Variants in SLC5A11 observed in about 807,000 individuals in gnomAD.
SLC5A11 encodes sodium/myo-inositol cotransporter 2.
SLC5A11 carries 48 observed loss-of-function variants against 69.8 expected under a neutral mutation model. That is an observed-to-expected ratio of 0.69 (90% confidence interval 0.55 to 0.87). The LOEUF (loss-of-function observed/expected upper bound fraction) is 0.87. SLC5A11 is among the 40% of genes least tolerant of loss of function. The pLI is 0.00. For missense variants in SLC5A11, 784 were observed against 866.1 expected, an observed-to-expected ratio of 0.91 and a Z score of 1.19; for synonymous variants, 319 against 342.4, an observed-to-expected ratio of 0.93 and a Z score of 0.75.
At chr16:24,887,859 G>A (rs1257437136) in intron 8 of SLC5A11, among the ~76,000 whole-genome samples, 2 of 152,084 alleles carry the variant, frequency 1.3e-5, no homozygotes, top group South Asian at 2.1e-4. Context: ...GGCAAAAAGC[G>A]ATAAACGGGG....
At chr16:24,875,263 C>T (rs781521779) in intron 5 of SLC5A11, among the ~76,000 whole-genome samples, 7 of 152,350 alleles carry the variant, frequency 4.6e-5, no homozygotes, top group South Asian at 2.1e-4. Flanking sequence ...ACTGCACCCG[C>T]GACCTCCTGA....
rs181349217 is a variant in SLC5A11 at position 24,877,592 on chromosome 16, G to A, written c.583+229G>A. 4.6e-3 allele frequency among the ~76,000 whole-genome samples: 707 copies of A among 152,306 alleles called. 5 individuals carry two copies. The highest frequency in any genetic ancestry group is 0.016 in the African/African-American group (679 of 41,570). On this transcript the variant is annotated intron_variant, in intron 7 of 15. Coordinates refer to ENST00000347898, the Ensembl canonical transcript of SLC5A11. Reference sequence around the variant, plus strand: ...AGGTTGGGCTCGGTGGCTCATGCCCGTAATCCCAGCACTTTGGGAAGCCGA... The same window carrying A: ...AGGTTGGGCTCGGTGGCTCATGCCCATAATCCCAGCACTTTGGGAAGCCGA...
chr16:24,890,566 A>G (rs1322548689), intron 8 of SLC5A11, among the ~76,000 whole-genome samples: 1 of 151,452 alleles, frequency 6.6e-6, no homozygotes, highest in African/African-American at 2.4e-5. Context: ...GAAAAAAGAA[A>G]CTTGGATAGA....
intron 10 of SLC5A11, among the ~76,000 whole-genome samples, chr16:24,904,333 T>G (rs2049860459): frequency 6.6e-6 from 1 of 152,198 alleles, no homozygotes; most frequent in South Asian, 2.1e-4. Flanking sequence ...CTCCATAGTT[T>G]TCCATACTAG....
At chr16:24,882,702 G>A (rs561474006) in intron 7 of SLC5A11, among the ~76,000 whole-genome samples, 1 of 152,326 alleles carries the variant, frequency 6.6e-6, no homozygotes, top group Admixed American at 6.5e-5. Flanking sequence ...CTGGCGTGCA[G>A]TGGCACGATC....
In SLC5A11 at chr16:24,880,791, TG is replaced by T. The variant is rs1365824837; in HGVS notation, c.584-3257del. 1.2e-4 allele frequency among the ~76,000 whole-genome samples: 19 copies of T among 152,270 alleles called. 1 individual carries two copies. Among genetic ancestry groups the T allele is most frequent in the African/African-American group, 4.6e-4 (19 of 41,544 alleles). ...GGGGATTACAATTCAACATGAGATT[TG>T]GGTGGGGACACAGAGCCAAACCATA... On this transcript the variant is annotated intron_variant, in intron 7 of 15. Transcript: ENST00000347898.
intron 9 of SLC5A11, among the ~76,000 whole-genome samples, chr16:24,897,146 G>A (rs975625872): frequency 3.3e-5 from 5 of 151,710 alleles, no homozygotes; most frequent in Non-Finnish European, 5.9e-5. Context: ...TAGAGATAGA[G>A]TTTCACCATG....
At chr16:24,882,555 G>T (rs577109193) in intron 7 of SLC5A11, among the ~76,000 whole-genome samples, 2 of 152,308 alleles carry the variant, frequency 1.3e-5, no homozygotes, top group South Asian at 4.1e-4. Flanking sequence ...AGGGAAGGAG[G>T]AAGAACAGAG....
intron 7 of SLC5A11, among the ~76,000 whole-genome samples, chr16:24,883,819 C>A (rs939027112): frequency 5.3e-5 from 8 of 152,220 alleles, no homozygotes; most frequent in African/African-American, 1.9e-4. Flanking sequence ...GTCACGTGGC[C>A]AAGCCCATGT....
At chr16:24,894,780 A>G (rs112349805) in intron 9 of SLC5A11, among the ~76,000 whole-genome samples, 1,622 of 151,558 alleles carry the variant, frequency 0.011, 35 homozygotes, top group African/African-American at 0.038. Flanking sequence ...AGCCTGGGTG[A>G]CAGAGCGAGA....
chr16:24,902,147 G>A (rs1422421442), intron 10 of SLC5A11, among the ~76,000 whole-genome samples: 1 of 152,034 alleles, frequency 6.6e-6, no homozygotes, highest in Non-Finnish European at 1.5e-5. Flanking sequence ...TTTTGACTGT[G>A]CTAAATGCCA....
chr16:24,911,464 G>A (rs1157582779), exon 16 of SLC5A11: 1 of 1,614,160 alleles, frequency 6.2e-7, no homozygotes, highest in South Asian at 1.1e-5. Context: ...CCTTGGTGAA[G>A]ACCCTCCTGG....
intron 1 of SLC5A11, among the ~76,000 whole-genome samples, chr16:24,857,533 GA>G (rs2152243509): frequency 6.6e-6 from 1 of 152,312 alleles, no homozygotes; most frequent in East Asian, 1.9e-4. Context: ...ATGTGCTAAG[GA>G]AGAATCTATT....
At chr16:24,879,036 A>G (rs2047872446) in intron 7 of SLC5A11, among the ~76,000 whole-genome samples, 1 of 152,186 alleles carries the variant, frequency 6.6e-6, no homozygotes, top group Admixed American at 6.5e-5. Flanking sequence ...CTCTGTCTCA[A>G]AAATAAATAA....
At chr16:24,906,561 C>A in intron 10 of SLC5A11, 96 bp from the exon 12 acceptor site, 1 of 647,882 alleles carries the variant, frequency 1.5e-6, no homozygotes, top group Non-Finnish European at 2.6e-6. Context: ...GAGCTATAAA[C>A]TTCCATATGA....
At chr16:24,859,827 A>G (rs566028451) in intron 2 of SLC5A11, among the ~76,000 whole-genome samples, 2 of 152,244 alleles carry the variant, frequency 1.3e-5, no homozygotes, top group African/African-American at 2.4e-5. Context: ...ATTGTTTCCA[A>G]TCTCTTACTA....
At chr16:24,879,880 C>T (rs1442973565) in intron 7 of SLC5A11, among the ~76,000 whole-genome samples, 3 of 152,130 alleles carry the variant, frequency 2.0e-5, no homozygotes, top group Admixed American at 6.5e-5. Flanking sequence ...TGTAGTATTT[C>T]GTGGTATATC....
intron 3 of SLC5A11, among the ~76,000 whole-genome samples, chr16:24,864,886 A>C (rs868052414): frequency 2.0e-5 from 3 of 152,142 alleles, no homozygotes; most frequent in African/African-American, 7.2e-5. Flanking sequence ...GGGGTTCAAC[A>C]ACAGATTTGA....
Position 24,878,549 on chromosome 16 carries a change from G to A in SLC5A11, c.583+1186G>A, listed in dbSNP as rs763251002. On this transcript the variant is annotated intron_variant, in intron 7 of 15. Transcript: ENST00000347898. Reference sequence around the variant, plus strand: ...TGTGTGCACAGACACAAACACACTGGTATCTCTATATTATGTACCTTGTAT... The same window carrying A: ...TGTGTGCACAGACACAAACACACTGATATCTCTATATTATGTACCTTGTAT... Among the ~76,000 whole-genome samples, 11 of 152,068 alleles carry A rather than the reference G, an allele frequency of 7.2e-5. No individual in the cohort carries two copies. The South Asian group carries it at 8.3e-4, about 11-fold the overall frequency.
Sources: allele counts gnomAD v4.1 joint callset (sites outside exome capture counted in the v4.1 genomes callset), GRCh38; gene constraint gnomAD v4.1.1; transcripts MANE v1.5; gene names NCBI Gene and HGNC (gene_info 2026-07-23, HGNC 2026-07-21).